Variants in MAP3K8 observed in about 807,000 individuals in gnomAD.
The protein encoded by MAP3K8 is Ewing sarcoma transformant.
MAP3K8 carries 22 observed loss-of-function variants against 45.8 expected under a neutral mutation model. That is an observed-to-expected ratio of 0.48 (90% confidence interval 0.34 to 0.69). The LOEUF is 0.69. MAP3K8 is among the 30% of genes least tolerant of loss of function. MAP3K8 has a pLI of 0.01. For missense variants in MAP3K8, 419 were observed against 585.0 expected (o/e 0.72, Z 2.93); for synonymous variants, 223 against 214.3 (o/e 1.04, Z -0.36).
chr10:30,461,310 A>G lies in MAP3K8; in HGVS notation c.*474A>G. ...AATTCTGGTATACATTGAATTCATT[A>G]TAATTTGGGTGACTAGAACAACTTG... On this transcript the variant is annotated 3_prime_UTR_variant, in exon 9 of 9. Transcript: ENST00000263056. The G allele has an allele frequency of 4.7e-6, 1 of 213,126 alleles. No individual in the cohort carries two copies. The highest frequency in any genetic ancestry group is 9.5e-6 in the Non-Finnish European group (1 of 105,080). The allele number at this position is 213,126 out of a possible 1,614,324, so 13.2% of individuals were successfully genotyped here. A position where few individuals can be genotyped will look rare whatever the true frequency, so the allele number is the denominator to read the frequency against.
rs8177009 is a variant in MAP3K8, at chr10:30,450,926, A to G, written c.766+407A>G. 4.7e-3 allele frequency among the ~76,000 whole-genome samples: 705 copies of G among 150,010 alleles called. 3 individuals carry two copies. The highest frequency in any genetic ancestry group is 7.3e-3 in the Non-Finnish European group (495 of 67,430). On this transcript the variant is annotated intron_variant, in intron 5 of 8. Transcript: ENST00000263056. ...GTGAAACCCCGTCTCTACTAAAAAT[A>G]CAAAAAAAAAAAAAAAATAGCTGGG...
At chr10:30,447,548 A>G (rs1386246113) in intron 3 of MAP3K8, among the ~76,000 whole-genome samples, 1 of 152,232 alleles carries the variant, frequency 6.6e-6, no homozygotes, top group Non-Finnish European at 1.5e-5. Context: ...ACTCATGAGT[A>G]GGTGGAAATA....
intron 6 of MAP3K8, among the ~76,000 whole-genome samples, chr10:30,454,393 C>T (rs1836663337): frequency 6.6e-6 from 1 of 151,978 alleles, no homozygotes; most frequent in Non-Finnish European, 1.5e-5. Context: ...AGTAAACAAA[C>T]AAACAAACAA....
chr10:30,457,941 C>A, intron 6 of MAP3K8, 143 bp from the exon 7 acceptor site: 1 of 620,872 alleles, frequency 1.6e-6, no homozygotes, highest in Non-Finnish European at 2.5e-6. Context: ...ACACCTCCAG[C>A]AATTGCTGCA....
chr10:30,453,166 C>T (rs988034963), intron 6 of MAP3K8, among the ~76,000 whole-genome samples: 1 of 152,108 alleles, frequency 6.6e-6, no homozygotes, highest in African/African-American at 2.4e-5. Flanking sequence ...CAGTGACAGA[C>T]CCTGGACTTG....
rs1408669942 is a variant in MAP3K8 at position 30,450,316 on chromosome 10, A to T, written c.563A>T (p.Glu188Val). The change falls in exon 5 of 9, where the codon GAG becomes GTG. Residue 188 changes from glutamate (E) to valine (V), a missense_variant. By Grantham distance (121) the Glu-to-Val change is moderately radical. Around this residue, in one of 3 missense-constraint regions of MAP3K8, gnomAD observed 209 missense variants for 367.3 expected, o/e 0.57. Transcript: ENST00000263056. ...GAAATCCAGGCTTGCTTCCGGCACG[A>T]GAACATCGCAGAGCTGTATGGCGCA... ...DVEIQACFRH[E>V]NIAELYGAVL... is the part of the protein sequence containing the mutation. The T allele has an allele frequency of 1.2e-6, 2 of 1,612,518 alleles. No individual in the cohort carries two copies. The highest frequency in any genetic ancestry group is 2.7e-5 in the African/African-American group (2 of 74,884).
chr10:30,437,933 C>T (rs941949522), intron 2 of MAP3K8, among the ~76,000 whole-genome samples: 4 of 152,218 alleles, frequency 2.6e-5, no homozygotes, highest in Non-Finnish European at 5.9e-5. Flanking sequence ...GTCTTTTCTC[C>T]TTCAGAACAG....
At chr10:30,456,420 C>G (rs141811755) in intron 6 of MAP3K8, among the ~76,000 whole-genome samples, 1 of 152,040 alleles carries the variant, frequency 6.6e-6, no homozygotes, top group Non-Finnish European at 1.5e-5. Context: ...GGAAGCTGGC[C>G]CGGAAGTGGC....
At chr10:30,452,957 G>C (rs8177012) in intron 6 of MAP3K8, among the ~76,000 whole-genome samples, 1,629 of 152,130 alleles carry the variant, frequency 0.011, 24 homozygotes, top group African/African-American at 0.036. Flanking sequence ...GGGACTACAG[G>C]TTTGAGCCCC....
chr10:30,441,827 GGCTT>G lies in MAP3K8; in HGVS notation c.336+2558_336+2561del, dbSNP rs774322358. Among the ~76,000 whole-genome samples, 8 of 152,302 alleles carry G rather than the reference GGCTT, an allele frequency of 5.3e-5. No individual in the cohort carries two copies. In the East Asian group the frequency reaches 5.8e-4, roughly 11 times the overall value. ...TTCAAGACAGTAGTGAGGGAGGCAA[GGCTT>G]GCTTTCGGCTCCCTTTCATCCTCAC... On this transcript the variant is annotated intron_variant, in intron 3 of 8. Coordinates refer to ENST00000263056, the MANE Select transcript of MAP3K8 (RefSeq NM_005204.4).
In MAP3K8 at chr10:30,434,584, C is replaced by T. The variant is rs573610448; in HGVS notation, c.-255+206C>T. On this transcript the variant is annotated intron_variant, in intron 1 of 8. Transcript: ENST00000263056. ...GAAAGCACCTTGCGCAAGGGTCTCA[C>T]GGGGTGCAGACTCGCGACTCCTCCC... 42 of 985,946 alleles carry T rather than the reference C, an allele frequency of 4.3e-5. No homozygotes were observed. In the African/African-American group the frequency reaches 6.3e-4, roughly 15 times the overall value. 61.1% of individuals were successfully genotyped at this position (985,946 alleles called of 1,614,324 possible).
intron 4 of MAP3K8, among the ~76,000 whole-genome samples, chr10:30,448,552 C>T (rs1836426207): frequency 6.6e-6 from 1 of 151,834 alleles, no homozygotes; most frequent in Non-Finnish European, 1.5e-5. Context: ...CCTGCATCAG[C>T]CTCCCAAGTA....
In MAP3K8 at chr10:30,460,958, T is replaced by C. The variant is rs1836920643; in HGVS notation, c.*122T>C. ...TTTTCGAAGGAGCAGTGTGACCTCC[T>C]GTGACCCGTGAATGTGCCTCCAAGC... On this transcript the variant is annotated 3_prime_UTR_variant, in exon 9 of 9. Transcript: ENST00000263056. 14 of 1,289,658 alleles carry C rather than the reference T, an allele frequency of 1.1e-5. No individual in the cohort carries two copies. Among genetic ancestry groups the C allele is most frequent in the Non-Finnish European group, 1.5e-5 (14 of 949,832 alleles). 79.9% of individuals were successfully genotyped at this position (1,289,658 alleles called of 1,614,324 possible).
At chr10:30,443,496 C>T (rs1298231710) in intron 3 of MAP3K8, among the ~76,000 whole-genome samples, 1 of 152,148 alleles carries the variant, frequency 6.6e-6, no homozygotes, top group African/African-American at 2.4e-5. Flanking sequence ...ATGAATTGTA[C>T]TATTAACTCT....
intron 3 of MAP3K8, among the ~76,000 whole-genome samples, chr10:30,442,631 CT>C (rs2132791518): frequency 6.6e-6 from 1 of 152,286 alleles, no homozygotes; most frequent in South Asian, 2.1e-4. Flanking sequence ...CTGGGAATTG[CT>C]TTGGGTAAGA....
chr10:30,457,901 C>T (rs575793679), intron 6 of MAP3K8, among the ~76,000 whole-genome samples, 183 bp from the exon 7 acceptor site: 1 of 152,250 alleles, frequency 6.6e-6, no homozygotes, highest in South Asian at 2.1e-4. Flanking sequence ...CCACCGCGCC[C>T]GGCCAGGTGT....
chr10:30,436,848 C>T (rs79392497), intron 1 of MAP3K8, among the ~76,000 whole-genome samples: 1,549 of 149,980 alleles, frequency 0.01, 19 homozygotes, highest in Non-Finnish European at 9.6e-3. Flanking sequence ...ATAAATAAGT[C>T]CAGGAGACTT....
chr10:30,458,274 G>GGGA, intron 7 of MAP3K8, 38 bp downstream of exon 7: 1 of 1,364,390 alleles, frequency 7.3e-7, no homozygotes, highest in Non-Finnish European at 9.7e-7. Flanking sequence ...GCGGCGGGGG[G>GGGA]GGGCGTTGAG....
intron 3 of MAP3K8, among the ~76,000 whole-genome samples, chr10:30,445,675 G>A (rs965559092): frequency 6.6e-6 from 1 of 152,158 alleles, no homozygotes; most frequent in African/African-American, 2.4e-5. Flanking sequence ...AACCAGAGGC[G>A]ACATACAGGT....
Sources: gnomAD v4.1 joint callset for allele counts (sites outside exome capture counted in the v4.1 genomes callset) on GRCh38, gnomAD v4.1.1 for gene constraint, gnomAD v4.1.1 regional missense constraint, MANE v1.5 for transcripts, NCBI Gene and HGNC (gene_info 2026-07-23, HGNC 2026-07-21) for gene names.